The following CNTLN variants were observed in gnomAD, a reference collection of about 807,000 sequenced individuals.
CNTLN encodes centlein, centrosomal protein.
In CNTLN, 212 loss-of-function variants were observed where a neutral mutation model predicts 180.0. The observed-to-expected ratio is 1.18, with a 90% confidence interval of 1.05 to 1.32. CNTLN has a LOEUF of 1.32. Ranked by LOEUF, CNTLN falls within the 40% of genes most tolerant of loss-of-function variation. The pLI is 0.00. For missense variants in CNTLN, 2,095 were observed against 1,610.9 expected (o/e 1.30, Z -5.14); for synonymous variants, 722 against 563.1 (o/e 1.28, Z -3.99).
At chr9:17,316,047 A>G (rs920502248) in intron 8 of CNTLN, among the ~76,000 whole-genome samples, 12 of 151,406 alleles carry the variant, frequency 7.9e-5, no homozygotes, top group African/African-American at 2.9e-4. Flanking sequence ...TTTTTTCCCC[A>G]TCATTATTGT....
At chr9:17,316,696 T>C (rs1819561367) in intron 8 of CNTLN, among the ~76,000 whole-genome samples, 1 of 152,120 alleles carries the variant, frequency 6.6e-6, no homozygotes, top group Admixed American at 6.5e-5. Context: ...TTTTAATATG[T>C]GTTATGTCTG....
At chr9:17,518,124 C>T in the CNTLN span, among the ~76,000 whole-genome samples, 4 of 147,690 alleles carry the variant, frequency 2.7e-5, no homozygotes, top group South Asian at 2.2e-4. Flanking sequence ...CTCGGCTCAC[C>T]GCAACCTCTG....
intron 19 of CNTLN, among the ~76,000 whole-genome samples, chr9:17,461,414 GATTAC>G (rs946203814): frequency 2.6e-5 from 4 of 151,622 alleles, no homozygotes; most frequent in Non-Finnish European, 5.9e-5. Context: ...TAGAAATTTT[GATTAC>G]ATTACACACA....
intron 15 of CNTLN, among the ~76,000 whole-genome samples, chr9:17,399,902 T>C (rs1268143444): frequency 2.0e-5 from 3 of 152,232 alleles, no homozygotes; most frequent in South Asian, 2.1e-4. Context: ...GCTTAGCTCA[T>C]ACTCTTTTGT....
intron 12 of CNTLN, 102 bp from the exon 13 acceptor site, chr9:17,366,515 C>G: frequency 2.0e-6 from 1 of 505,942 alleles, no homozygotes. Flanking sequence ...AATATCTTTA[C>G]TGACTTTGAT....
rs145761879 is a variant in CNTLN at position 17,253,260 on chromosome 9, T to C, written c.849+16672T>C. On this transcript the variant is annotated intron_variant, in intron 5 of 25. Coordinates refer to ENST00000380647, the MANE Select transcript of CNTLN (RefSeq NM_017738.4). ...TTGCTTTGGGTATTCAGGCTCTTTT[T>C]TGGTTCCATATCAATTTTAGAATTG... Among the ~76,000 whole-genome samples, 23 of 151,962 alleles carry C rather than the reference T, an allele frequency of 1.5e-4. No homozygotes were observed. The East Asian group carries it at 4.4e-3, about 29-fold the overall frequency.
At chr9:17,189,211 T>A (rs1821637658) in intron 2 of CNTLN, among the ~76,000 whole-genome samples, 1 of 147,856 alleles carries the variant, frequency 6.8e-6, no homozygotes, top group South Asian at 2.2e-4. Context: ...GCTTCTGGAG[T>A]AGCTGGGACT....
chr9:17,381,320 C>T (rs890715207), intron 13 of CNTLN, among the ~76,000 whole-genome samples: 3 of 152,226 alleles, frequency 2.0e-5, no homozygotes, highest in Non-Finnish European at 2.9e-5. Context: ...ATTTCAATGG[C>T]CAGTGCCTTT....
chr9:17,216,038 C>T (rs558083838), intron 2 of CNTLN, among the ~76,000 whole-genome samples: 6 of 152,224 alleles, frequency 3.9e-5, no homozygotes, highest in Non-Finnish European at 2.9e-5. Context: ...GGCTCACATT[C>T]GGTGGGCTGC....
At chr9:17,203,059 TG>T (rs56825627) in intron 2 of CNTLN, among the ~76,000 whole-genome samples, 47,801 of 151,904 alleles carry the variant, frequency 0.31, 9,329 homozygotes, top group East Asian at 0.59. Context: ...AGCATTTGCC[TG>T]GTCTGGAAAG....
rs913493975 is a variant in CNTLN at position 17,298,981 on chromosome 9, T to C, written c.1146+629T>C. 3.2e-5 allele frequency: 31 copies of C among 973,788 alleles called. No homozygotes were observed. The African/African-American group carries it at 5.1e-4, about 16-fold the overall frequency. 60.3% of individuals were successfully genotyped at this position (973,788 alleles called of 1,614,324 possible). On this transcript the variant is annotated intron_variant, in intron 7 of 25. Coordinates refer to ENST00000380647, the MANE Select transcript of CNTLN (RefSeq NM_017738.4). The stretch of plus-strand genomic sequence containing the variant: ...TTTATTGGCCGGGCATGGTGGCTCA[T>C]GCCTGTAATCCCAGCACTTTGGGAG...
intron 13 of CNTLN, among the ~76,000 whole-genome samples, chr9:17,375,002 A>C (rs1487947907): frequency 6.6e-6 from 1 of 152,212 alleles, no homozygotes; most frequent in Non-Finnish European, 1.5e-5. Context: ...ATAATAGCCA[A>C]AATTTGGAAG....
chr9:17,422,681 A>G (rs553044601), intron 18 of CNTLN, among the ~76,000 whole-genome samples: 2 of 152,296 alleles, frequency 1.3e-5, no homozygotes, highest in South Asian at 4.1e-4. Context: ...CTGAAAGGTC[A>G]CATATCTCTG....
chr9:17,149,658 T>C (rs1227964503), intron 2 of CNTLN, among the ~76,000 whole-genome samples: 4 of 151,662 alleles, frequency 2.6e-5, no homozygotes, highest in Non-Finnish European at 5.9e-5. Context: ...GCTGGGACTA[T>C]AGGCGCCCGC....
chr9:17,208,488 A>T (rs1257958822), intron 2 of CNTLN, among the ~76,000 whole-genome samples: 1 of 152,142 alleles, frequency 6.6e-6, no homozygotes, highest in Non-Finnish European at 1.5e-5. Context: ...GCCTTGTTGA[A>T]TGAATTTGGA....
At chr9:17,474,020 A>G (rs1832187656) in intron 23 of CNTLN, among the ~76,000 whole-genome samples, 2 of 152,156 alleles carry the variant, frequency 1.3e-5, no homozygotes, top group Middle Eastern at 3.4e-3. Context: ...TCTCTTCCTG[A>G]CAGACATAAG....
chr9:17,220,419 A>T (rs1824052185), intron 2 of CNTLN, among the ~76,000 whole-genome samples: 1 of 152,106 alleles, frequency 6.6e-6, no homozygotes, highest in Non-Finnish European at 1.5e-5. Flanking sequence ...TTTTAAAAAC[A>T]TTTAAGTTTA....
intron 8 of CNTLN, among the ~76,000 whole-genome samples, chr9:17,310,793 GT>G (rs1179966579): frequency 3.3e-5 from 5 of 151,952 alleles, no homozygotes; most frequent in African/African-American, 1.2e-4. Context: ...ATTTTATTTT[GT>G]TTTTTATGTG....
intron 5 of CNTLN, among the ~76,000 whole-genome samples, chr9:17,249,731 T>C: frequency 6.6e-6 from 1 of 151,904 alleles, no homozygotes; most frequent in Non-Finnish European, 1.5e-5. Context: ...TCCATTTTAT[T>C]TAGAGAAGAT....
Sources: gnomAD v4.1 joint callset for allele counts (sites outside exome capture counted in the v4.1 genomes callset) on GRCh38, gnomAD v4.1.1 for gene constraint, MANE v1.5 for transcripts, NCBI Gene and HGNC (gene_info 2026-07-23, HGNC 2026-07-21) for gene names.